HIVEP2: variants seen among roughly 807,000 people sequenced by gnomAD.
HIVEP2 encodes the protein transcription factor HIVEP2.
Under a neutral mutation model 180.7 loss-of-function variants are expected in HIVEP2, and 14 were observed. The observed-to-expected ratio is 0.08, with a 90% CI of 0.05 to 0.12. The LOEUF (loss-of-function observed/expected upper bound fraction) is 0.12, where lower values mean the gene tolerates loss of function less well. Among genes scored for constraint, HIVEP2 ranks in the 10% least tolerant of loss-of-function variants. The pLI, the probability that HIVEP2 is intolerant of heterozygous loss-of-function variation, is 1.00. For synonymous variants in HIVEP2, 1,184 were observed against 1,136.4 expected (o/e 1.04, Z -0.84); for missense variants, 2,579 against 3,008.5 (o/e 0.86, Z 3.34).
At chr6:142,830,955 C>A (rs1775062983) in intron 2 of HIVEP2, among the ~76,000 whole-genome samples, 1 of 152,158 alleles carries the variant, frequency 6.6e-6, no homozygotes, top group African/African-American at 2.4e-5. Context: ...ATCCTTATCA[C>A]TACCCTCCAA....
At chr6:142,920,678 T>C (rs1026777541) in intron 1 of HIVEP2, among the ~76,000 whole-genome samples, 3 of 152,192 alleles carry the variant, frequency 2.0e-5, no homozygotes, top group African/African-American at 7.2e-5. Flanking sequence ...TTGACTAGTC[T>C]GGATTAAAAA....
At chr6:142,804,926 T>C (rs1177296966) in intron 2 of HIVEP2, among the ~76,000 whole-genome samples, 1 of 152,154 alleles carries the variant, frequency 6.6e-6, no homozygotes, top group African/African-American at 2.4e-5. Flanking sequence ...TGGAGAATAG[T>C]CATCCTTTCA....
chr6:142,904,122 C>T (rs1238695356), intron 1 of HIVEP2, among the ~76,000 whole-genome samples: 1 of 152,152 alleles, frequency 6.6e-6, no homozygotes, highest in African/African-American at 2.4e-5. Context: ...CATTTTTAGA[C>T]TTAAAAACCC....
intron 1 of HIVEP2, among the ~76,000 whole-genome samples, chr6:142,840,895 T>C (rs1775344232): frequency 6.6e-6 from 1 of 152,120 alleles, no homozygotes; most frequent in African/African-American, 2.4e-5. Flanking sequence ...CCAAACTTCC[T>C]CACCATTGCA....
At chr6:142,905,959 C>T (rs1206011228) in intron 1 of HIVEP2, among the ~76,000 whole-genome samples, 2 of 152,146 alleles carry the variant, frequency 1.3e-5, no homozygotes, top group Non-Finnish European at 2.9e-5. Context: ...CGTGGCAAAA[C>T]CCCATCTCTA....
intron 2 of HIVEP2, among the ~76,000 whole-genome samples, chr6:142,795,759 A>G (rs761290272): frequency 4.6e-5 from 7 of 152,220 alleles, no homozygotes; most frequent in Non-Finnish European, 1.0e-4. Flanking sequence ...GAAGAAGAGC[A>G]TGAGAAAACG....
In HIVEP2 at chr6:142,772,762, C is replaced by T. The variant is rs777133298; in HGVS notation, c.1977G>A (p.Arg659=). 1.3e-4 allele frequency: 215 copies of T among 1,614,036 alleles called. No homozygotes were observed. The highest frequency in any genetic ancestry group is 2.0e-4 in the Admixed American group (12 of 60,002). The change falls in exon 5 of 10, where the codon AGG becomes AGA. Residue 659 remains arginine, a synonymous_variant. Coordinates refer to ENST00000367603, the MANE Select transcript of HIVEP2 (RefSeq NM_006734.4). This position sits in a 1 kb window ranked among gnomAD's most constrained non-coding sequence, Gnocchi z 4.9. ...EDSETPKQNY[R]DISCLSSLKH... ...TTAAAGAACTCAAGCAGGAAATGTC[C>T]CTGTAGTTTTGCTTTGGTGTTTCAG... is the stretch of plus-strand genomic sequence containing the variant.
intron 1 of HIVEP2, among the ~76,000 whole-genome samples, chr6:142,867,992 T>C (rs1025854829): frequency 4.6e-5 from 7 of 152,180 alleles, no homozygotes; most frequent in Non-Finnish European, 8.8e-5. Flanking sequence ...CTATATACTG[T>C]CATTTTATAC....
chr6:142,881,088 G>A (rs1776565245), intron 1 of HIVEP2, among the ~76,000 whole-genome samples: 1 of 152,098 alleles, frequency 6.6e-6, no homozygotes, highest in African/African-American at 2.4e-5. Context: ...TGGTTTTACT[G>A]TATGTTTCTG....
chr6:142,833,775 T>G (rs961222199), intron 2 of HIVEP2, among the ~76,000 whole-genome samples: 2 of 152,126 alleles, frequency 1.3e-5, no homozygotes, highest in Admixed American at 6.5e-5. Context: ...TAAGCTAGAA[T>G]AGCAAAACAA....
chr6:142,914,053 T>TGCTGC (rs1407392641), intron 1 of HIVEP2, among the ~76,000 whole-genome samples: 1 of 151,172 alleles, frequency 6.6e-6, no homozygotes, highest in Non-Finnish European at 1.5e-5. Flanking sequence ...GCAGTCATAG[T>TGCTGC]ACTGGGGATG....
chr6:142,812,158 T>C (rs1293966411), intron 2 of HIVEP2, among the ~76,000 whole-genome samples: 2 of 152,052 alleles, frequency 1.3e-5, no homozygotes, highest in African/African-American at 2.4e-5. Flanking sequence ...CAGGGTGAAA[T>C]ACCAGGGAGG....
intron 1 of HIVEP2, among the ~76,000 whole-genome samples, chr6:142,873,146 A>G (rs1429379835): frequency 6.6e-6 from 1 of 152,168 alleles, no homozygotes; most frequent in Admixed American, 6.5e-5. Context: ...GAAACATAGA[A>G]CAGACTCACC....
Position 142,753,500 on chromosome 6 carries a change from G to T in HIVEP2, c.6948C>A (p.Asn2316Lys), listed in dbSNP as rs200158792. ...MKQSTSEDSL[N>K]ATEREQEENI... is the part of the protein sequence containing the mutation. The stretch of plus-strand genomic sequence containing the variant: ...TTTCCTCCTGTTCCCGCTCTGTTGC[G>T]TTTAGGCTGTCTTCCGAAGTGCTCT... The change falls in exon 10 of 10, where the codon AAC (asparagine) becomes AAA (lysine). Residue 2316 changes from asparagine (N) to lysine (K), a missense_variant. By Grantham distance (94) the Asn-to-Lys change is moderately conservative (BLOSUM62 0). Around this residue, in one of 11 missense-constraint regions of HIVEP2, gnomAD observed 660 missense variants for 731.7 expected, o/e 0.90. Coordinates refer to ENST00000367603, the MANE Select transcript of HIVEP2 (RefSeq NM_006734.4). The T allele has an allele frequency of 6.9e-5, 111 of 1,614,142 alleles. No individual in the cohort carries two copies. Among genetic ancestry groups the T allele is most frequent in the Non-Finnish European group, 9.2e-5 (108 of 1,180,042 alleles).
chr6:142,756,394 G>A (rs1275094198), intron 9 of HIVEP2, among the ~76,000 whole-genome samples: 1 of 152,176 alleles, frequency 6.6e-6, no homozygotes, highest in Admixed American at 6.5e-5. Context: ...GCCAGCAGGA[G>A]GCTTGTCTGC....
At chr6:142,912,965 T>G (rs1777452686) in intron 1 of HIVEP2, among the ~76,000 whole-genome samples, 1 of 152,104 alleles carries the variant, frequency 6.6e-6, no homozygotes, top group Non-Finnish European at 1.5e-5. Flanking sequence ...ATTTTAGAAG[T>G]GGGTATGAAA....
At chr6:142,829,322 C>T (rs1017797961) in intron 2 of HIVEP2, among the ~76,000 whole-genome samples, 5 of 152,072 alleles carry the variant, frequency 3.3e-5, no homozygotes, top group Non-Finnish European at 7.4e-5. Context: ...CATAATCACC[C>T]CAACTTTATC....
chr6:142,944,933 C>CTCCTTCCT (rs1397611505), intron 1 of HIVEP2, 166 bp downstream of exon 1: 1 of 151,352 alleles, frequency 6.6e-6, no homozygotes, highest in East Asian at 1.9e-4. Context: ...CCTTCCTTCG[C>CTCCTTCCT]TCCTTCCTTC....
intron 1 of HIVEP2, among the ~76,000 whole-genome samples, chr6:142,875,666 G>C (rs575996716): frequency 1.3e-5 from 2 of 152,172 alleles, no homozygotes; most frequent in African/African-American, 4.8e-5. Context: ...GGAGGAAGGA[G>C]AGGAATCCAG....
Sources: gnomAD v4.1 joint callset for allele counts (sites outside exome capture counted in the v4.1 genomes callset) on GRCh38, gnomAD v4.1.1 for gene constraint, gnomAD v4.1.1 regional missense constraint, Gnocchi (gnomAD v3.1) non-coding constraint, MANE v1.5 for transcripts, NCBI Gene and HGNC (gene_info 2026-07-23, HGNC 2026-07-21) for gene names.